The following SLC1A2 variants were observed in gnomAD, a reference collection of about 807,000 sequenced individuals.
SLC1A2 encodes the protein solute carrier family 1 member 2, also known as excitatory amino acid transporter 2.
A neutral mutation model predicts 48.8 loss-of-function variants in SLC1A2; 15 were observed. The ratio of observed to expected loss-of-function variants is 0.31; its 90% confidence interval spans 0.21 to 0.47. SLC1A2 has a LOEUF of 0.47. Ranked by LOEUF, SLC1A2 falls within the 20% of genes least tolerant of loss-of-function variation. SLC1A2 has a pLI of 0.99. For missense variants in SLC1A2, 502 were observed against 730.5 expected, an observed-to-expected ratio of 0.69 and a Z score of 3.61; for synonymous variants, 279 against 272.6, an observed-to-expected ratio of 1.02 and a Z score of -0.23.
intron 1 of SLC1A2, among the ~76,000 whole-genome samples, chr11:35,386,994 T>C (rs1854602970): frequency 6.6e-6 from 1 of 152,138 alleles, no homozygotes; most frequent in Admixed American, 6.6e-5. Context: ...GGTCTTGAAC[T>C]TCTAGAATCA....
intron 4 of SLC1A2, among the ~76,000 whole-genome samples, chr11:35,311,902 G>GAGAA (rs1327008224): frequency 5.5e-5 from 1 of 18,248 alleles, no homozygotes; most frequent in Non-Finnish European, 1.7e-4. Context: ...GGGAGGGAGA[G>GAGAA]AGAGAGAGAG....
At chr11:35,284,859 T>C (rs1850760786) in intron 8 of SLC1A2, among the ~76,000 whole-genome samples, 1 of 152,196 alleles carries the variant, frequency 6.6e-6, no homozygotes, top group Non-Finnish European at 1.5e-5. Context: ...TCCCTGAGCT[T>C]GGACTTTTAA....
At chr11:35,330,138 C>A (rs770506108) in intron 1 of SLC1A2, among the ~76,000 whole-genome samples, 1 of 152,182 alleles carries the variant, frequency 6.6e-6, no homozygotes, top group Non-Finnish European at 1.5e-5. Context: ...ATCTACCAAC[C>A]TTTGAGGCAT....
chr11:35,314,790 T>TC (rs1309228242), intron 3 of SLC1A2, among the ~76,000 whole-genome samples: 2 of 150,456 alleles, frequency 1.3e-5, no homozygotes, highest in East Asian at 3.9e-4. Flanking sequence ...CTTTTCTTTT[T>TC]TTTTTTTTCT....
At chr11:35,290,807 G>A (rs1028131014) in intron 7 of SLC1A2, among the ~76,000 whole-genome samples, 1 of 151,252 alleles carries the variant, frequency 6.6e-6, no homozygotes. Flanking sequence ...AGGAAATTTT[G>A]AAGTGTTTTC....
chr11:35,406,614 A>G (rs1342678282), intron 1 of SLC1A2, among the ~76,000 whole-genome samples: 1 of 151,868 alleles, frequency 6.6e-6, no homozygotes, highest in Non-Finnish European at 1.5e-5. Flanking sequence ...GAAATTAGTA[A>G]GCTTGTAGGT....
At chr11:35,320,520 T>C (rs1215060663) in intron 1 of SLC1A2, among the ~76,000 whole-genome samples, 2 of 152,188 alleles carry the variant, frequency 1.3e-5, no homozygotes. Context: ...AGTCAGCTCT[T>C]GAAGGATGGA....
intron 1 of SLC1A2, among the ~76,000 whole-genome samples, chr11:35,359,593 G>C (rs1189289401): frequency 6.6e-6 from 1 of 152,140 alleles, no homozygotes; most frequent in Non-Finnish European, 1.5e-5. Flanking sequence ...TATTATTTAA[G>C]CAGTCATTTC....
intron 1 of SLC1A2, among the ~76,000 whole-genome samples, chr11:35,322,220 G>T (rs2281633): frequency 0.8 from 121,177 of 152,082 alleles, 48,816 homozygotes; most frequent in East Asian, 0.93. Flanking sequence ...GTGAGTCCTG[G>T]TTCAAGGCAA....
chr11:35,347,586 G>A (rs1853089205), intron 1 of SLC1A2, among the ~76,000 whole-genome samples: 2 of 152,192 alleles, frequency 1.3e-5, no homozygotes, highest in African/African-American at 4.8e-5. Context: ...TTAAGAAGTG[G>A]ACATATGCAT....
intron 10 of SLC1A2, chr11:35,264,213 C>G (rs979244200): frequency 2.6e-5 from 4 of 152,204 alleles, no homozygotes; most frequent in African/African-American, 9.7e-5. Flanking sequence ...AAGAAAAAGC[C>G]TGTGCTAGTC....
At chr11:35,265,336 C>T (rs934829326) in intron 10 of SLC1A2, 191 bp downstream of exon 10, 5 of 569,808 alleles carry the variant, frequency 8.8e-6, no homozygotes, top group Non-Finnish European at 1.2e-5. Flanking sequence ...CTCCATCAGA[C>T]TTGTTGATTT....
At chr11:35,342,801 TAA>T (rs72455612) in intron 1 of SLC1A2, among the ~76,000 whole-genome samples, 6 of 151,786 alleles carry the variant, frequency 4.0e-5, no homozygotes, top group African/African-American at 1.2e-4. Context: ...AAAATAAAAT[TAA>T]AAAAATAAAA....
chr11:35,293,307 C>A (rs57712008), intron 6 of SLC1A2, among the ~76,000 whole-genome samples: 2 of 152,248 alleles, frequency 1.3e-5, no homozygotes, highest in South Asian at 4.1e-4. Flanking sequence ...CTGTGAAACT[C>A]CCAACTGGGG....
In SLC1A2 at chr11:35,351,758, C is replaced by T. The variant is rs185448484; in HGVS notation, c.18-34242G>A. On this transcript the variant is annotated intron_variant, in intron 1 of 10. Transcript: ENST00000278379. ...TCAAGCGATTCTCCTGCCTCAATCT[C>T]CTGAGTAGCTGGGACTACAGGTGCA... Among the ~76,000 whole-genome samples the T allele has an allele frequency of 2.8e-3, 433 of 152,266 alleles. 3 individuals are homozygous for T. Among genetic ancestry groups the T allele is most frequent in the African/African-American group, 1.0e-2 (414 of 41,554 alleles).
chr11:35,257,215 A>T lies in SLC1A2; in HGVS notation c.*3679T>A, dbSNP rs537948025. 3 of 152,328 alleles carry T rather than the reference A, an allele frequency of 2.0e-5. No homozygotes were observed. The highest frequency in any genetic ancestry group is 3.9e-4 in the East Asian group (2 of 5,186). 9.4% of individuals were successfully genotyped at this position (152,328 alleles called of 1,614,324 possible). ...CCAGAGACCCTCTAATCAACAGGTC[A>T]TTGAGATTCCTGGCATCACCTAGCA... On this transcript the variant is annotated 3_prime_UTR_variant, in exon 11 of 11. Coordinates refer to ENST00000278379, the MANE Select transcript of SLC1A2 (RefSeq NM_004171.4).
At chr11:35,413,044 T>C (rs1250276942) in intron 1 of SLC1A2, among the ~76,000 whole-genome samples, 1 of 152,192 alleles carries the variant, frequency 6.6e-6, no homozygotes, top group Non-Finnish European at 1.5e-5. Context: ...TTTGAATAAT[T>C]CTTCAAATCC....
intron 1 of SLC1A2, among the ~76,000 whole-genome samples, chr11:35,335,711 C>T (rs1852604406): frequency 6.6e-6 from 1 of 152,032 alleles, no homozygotes; most frequent in South Asian, 2.1e-4. Context: ...ATCTACAATC[C>T]CAGCACTTTG....
chr11:35,329,620 G>A (rs567978120), intron 1 of SLC1A2, among the ~76,000 whole-genome samples: 1 of 152,210 alleles, frequency 6.6e-6, no homozygotes, highest in East Asian at 1.9e-4. Context: ...CATCACATCT[G>A]GATGGGGCCT....
Sources: gnomAD v4.1 joint callset for allele counts (sites outside exome capture counted in the v4.1 genomes callset) on GRCh38, gnomAD v4.1.1 for gene constraint, MANE v1.5 for transcripts, NCBI Gene and HGNC (gene_info 2026-07-23, HGNC 2026-07-21) for gene names.